ST18: variants seen among roughly 807,000 people sequenced by gnomAD.
ST18 encodes the protein suppression of tumorigenicity 18 protein.
Under a neutral mutation model 110.0 loss-of-function variants are expected in ST18, and 50 were observed. The ratio of observed to expected loss-of-function variants is 0.45; its 90% CI spans 0.36 to 0.58. ST18 has a LOEUF of 0.58. Ranked by LOEUF, ST18 falls within the 20% of genes least tolerant of loss-of-function variation. The probability of loss-of-function intolerance (pLI) is 0.00; values close to 1 mark genes in which losing one functional copy is unlikely to be tolerated. For synonymous variants in ST18, 461 were observed against 452.4 expected (o/e 1.02, Z -0.24); for missense variants, 1,306 against 1,280.1 (o/e 1.02, Z -0.31).
At chr8:52,223,559 A>C (rs1012240536) in intron 3 of ST18, among the ~76,000 whole-genome samples, 3 of 151,848 alleles carry the variant, frequency 2.0e-5, no homozygotes, top group Non-Finnish European at 4.4e-5. Context: ...CACAAGAATC[A>C]CTTGAGCCCA....
intron 23 of ST18, chr8:52,125,800 G>A (rs1395703717): frequency 4.6e-6 from 2 of 431,178 alleles, no homozygotes; most frequent in Non-Finnish European, 4.1e-6. Context: ...AACCACAAGT[G>A]TATCTTAATC....
intron 8 of ST18, among the ~76,000 whole-genome samples, chr8:52,190,891 A>G (rs985352176): frequency 2.0e-5 from 3 of 152,196 alleles, no homozygotes; most frequent in African/African-American, 7.2e-5. Context: ...GGCACACCAT[A>G]TCGGTGAAGT....
intron 2 of ST18, among the ~76,000 whole-genome samples, chr8:52,253,030 G>T (rs2138399697): frequency 6.8e-6 from 1 of 147,208 alleles, no homozygotes; most frequent in South Asian, 2.1e-4. Context: ...TTCTTCATCA[G>T]TTTTTTTTTT....
In ST18 at chr8:52,116,345, A is replaced by C. The variant is rs1478728765; in HGVS notation, c.2933T>G (p.Leu978Arg). ...GCTTAGACCTGCCAGCTCTTTCAGC[A>C]GACTTTCATTGTTCTGTTCTATGAG... Reference protein sequence around the residue: ...NKLIEQNNESLLKELAGLSQA... With the variant: ...NKLIEQNNESRLKELAGLSQA... The change falls in exon 25 of 26, where the codon CTG becomes CGG. Residue 978 changes from leucine (L) to arginine (R), a missense_variant. Coordinates refer to ENST00000689386, the MANE Select transcript of ST18 (RefSeq NM_001352837.2). 2 of 1,614,058 alleles carry C rather than the reference A, an allele frequency of 1.2e-6. No homozygotes were observed. The highest frequency in any genetic ancestry group is 1.7e-6 in the Non-Finnish European group (2 of 1,179,962).
intron 2 of ST18, among the ~76,000 whole-genome samples, chr8:52,327,673 C>A (rs549791158): frequency 2.1e-4 from 32 of 152,314 alleles, no homozygotes; most frequent in Non-Finnish European, 2.8e-4. Context: ...GTTGCAGAAG[C>A]AGGGCTCCCT....
chr8:52,387,065 T>A (rs1325024316), intron 2 of ST18, among the ~76,000 whole-genome samples: 1 of 152,180 alleles, frequency 6.6e-6, no homozygotes, highest in Admixed American at 6.5e-5. Context: ...AATTTACAGA[T>A]AATTTCTTCC....
intron 2 of ST18, among the ~76,000 whole-genome samples, chr8:52,233,290 A>C (rs2091923526): frequency 6.6e-6 from 1 of 152,282 alleles, no homozygotes; most frequent in South Asian, 2.1e-4. Flanking sequence ...TCCAATAGTG[A>C]ATCTATTTCT....
At chr8:52,277,590 A>G (rs2095298468) in intron 2 of ST18, among the ~76,000 whole-genome samples, 1 of 152,182 alleles carries the variant, frequency 6.6e-6, no homozygotes, top group South Asian at 2.1e-4. Flanking sequence ...TGGAAAGAGG[A>G]TTTAATAAAT....
chr8:52,292,258 T>C lies in ST18; in HGVS notation c.-464-62181A>G, dbSNP rs141882685. 1.2e-4 allele frequency among the ~76,000 whole-genome samples: 18 copies of C among 152,350 alleles called. No individual in the cohort carries two copies. In the East Asian group the frequency reaches 2.9e-3, roughly 24 times the overall value. On this transcript the variant is annotated intron_variant, in intron 2 of 25. Coordinates refer to ENST00000689386, the MANE Select transcript of ST18 (RefSeq NM_001352837.2). ...ATTTAAATGCTTTAATAATGCAGTG[T>C]CTCTTCACTTACACACAGAAATGCA... is the stretch of plus-strand genomic sequence containing the variant.
chr8:52,407,203 G>A (rs1335574695), intron 2 of ST18: 2 of 152,122 alleles, frequency 1.3e-5, no homozygotes, highest in African/African-American at 4.8e-5. Flanking sequence ...CAGTCTAGTA[G>A]GTTTTTCTTT....
chr8:52,219,042 G>C (rs2085581190), intron 5 of ST18, among the ~76,000 whole-genome samples: 2 of 152,180 alleles, frequency 1.3e-5, no homozygotes. Context: ...CAAACAACTA[G>C]ATGATGCCAG....
In ST18 at chr8:52,159,127, G is replaced by T; in HGVS notation, c.1595-18C>A. 1.2e-6 allele frequency: 2 copies of T among 1,608,484 alleles called. No homozygotes were observed. The highest frequency in any genetic ancestry group is 1.1e-5 in the South Asian group (1 of 90,640). On this transcript the variant is annotated intron_variant, in intron 14 of 25. Transcript: ENST00000689386. ...ATGCTTTGCTGTTGAAGAGAGATTT[G>T]ATTAGCAATTGCATGTACATGGTTT...
At chr8:52,256,357 A>G (rs992782840) in intron 2 of ST18, among the ~76,000 whole-genome samples, 2 of 152,192 alleles carry the variant, frequency 1.3e-5, no homozygotes, top group Non-Finnish European at 2.9e-5. Flanking sequence ...CAAATGTCCA[A>G]TCTGGTTTTT....
intron 2 of ST18, among the ~76,000 whole-genome samples, chr8:52,316,667 C>G (rs16917664): frequency 6.6e-6 from 1 of 152,086 alleles, no homozygotes; most frequent in Non-Finnish European, 1.5e-5. Flanking sequence ...TTTCCTAAGT[C>G]ACTATCACCT....
chr8:52,185,154 C>G (rs2071520573), intron 8 of ST18, among the ~76,000 whole-genome samples: 1 of 151,868 alleles, frequency 6.6e-6, no homozygotes, highest in African/African-American at 2.4e-5. Flanking sequence ...CAGCCACAAA[C>G]AATTAGAAAA....
At chr8:52,331,175 T>C (rs1589976086) in intron 2 of ST18, among the ~76,000 whole-genome samples, 1 of 152,306 alleles carries the variant, frequency 6.6e-6, no homozygotes. Context: ...CACCTTCGAC[T>C]GGAAGGGGTA....
chr8:52,380,639 A>G (rs559112973), intron 2 of ST18, among the ~76,000 whole-genome samples: 2 of 152,290 alleles, frequency 1.3e-5, no homozygotes, highest in South Asian at 4.1e-4. Context: ...ATATCTTCCC[A>G]TATGATATAC....
intron 2 of ST18, among the ~76,000 whole-genome samples, chr8:52,235,272 C>T (rs1333847439): frequency 2.0e-5 from 3 of 152,168 alleles, no homozygotes; most frequent in Non-Finnish European, 2.9e-5. Context: ...CTGAACTCCT[C>T]CTGCCCCACA....
At chr8:52,184,893 T>C (rs757749215) in intron 8 of ST18, among the ~76,000 whole-genome samples, 4 of 152,182 alleles carry the variant, frequency 2.6e-5, no homozygotes, top group Non-Finnish European at 5.9e-5. Flanking sequence ...TGATTTCTTC[T>C]AATGAGACAG....
Sources: gnomAD v4.1 joint callset for allele counts (sites outside exome capture counted in the v4.1 genomes callset) on GRCh38, gnomAD v4.1.1 for gene constraint, MANE v1.5 for transcripts, NCBI Gene and HGNC (gene_info 2026-07-23, HGNC 2026-07-21) for gene names.